The following LRRC20 variants were observed in gnomAD, a reference collection of about 807,000 sequenced individuals.
LRRC20 encodes the protein leucine rich repeat containing 20.
In LRRC20, 11 loss-of-function variants were observed where a neutral mutation model predicts 14.4. That is an observed-to-expected ratio of 0.77 (90% CI 0.48 to 1.27). LRRC20 has a LOEUF of 1.27. LRRC20 is among the 50% of genes most tolerant of loss of function. The probability of loss-of-function intolerance (pLI) is 0.00; values close to 1 mark genes in which losing one functional copy is unlikely to be tolerated. For missense variants in LRRC20, 219 were observed against 251.2 expected (o/e 0.87, Z 0.87); for synonymous variants, 121 against 107.3 (o/e 1.13, Z -0.79).
chr10:70,366,247 AC>A (rs1344045159), intron 2 of LRRC20, among the ~76,000 whole-genome samples: 4 of 151,640 alleles, frequency 2.6e-5, no homozygotes, highest in African/African-American at 9.7e-5. Flanking sequence ...ACATAGTGAA[AC>A]CCCGTCTCTA....
At chr10:70,307,990 CAG>C (rs1841488975) in intron 4 of LRRC20, among the ~76,000 whole-genome samples, 2 of 152,240 alleles carry the variant, frequency 1.3e-5, no homozygotes, top group African/African-American at 4.8e-5. Flanking sequence ...GATAAGCCCA[CAG>C]AGTTTGGCCA....
At chr10:70,325,422 G>A (rs942385652) in intron 3 of LRRC20, among the ~76,000 whole-genome samples, 47 of 152,210 alleles carry the variant, frequency 3.1e-4, no homozygotes, top group African/African-American at 9.2e-4. Flanking sequence ...CCTCCACCTC[G>A]GCAGGGAGGG....
intron 4 of LRRC20, among the ~76,000 whole-genome samples, chr10:70,307,996 T>C (rs1841489281): frequency 6.6e-6 from 1 of 152,168 alleles, no homozygotes; most frequent in Non-Finnish European, 1.5e-5. Flanking sequence ...CCCACAGAGT[T>C]TGGCCAGCAG....
chr10:70,382,210 C>T (rs1844731090), intron 1 of LRRC20, among the ~76,000 whole-genome samples: 2 of 152,216 alleles, frequency 1.3e-5, no homozygotes, highest in South Asian at 4.1e-4. Flanking sequence ...CAAGCAAGGG[C>T]GCCTCCCGCG....
intron 1 of LRRC20, among the ~76,000 whole-genome samples, chr10:70,377,735 C>T (rs1370712724): frequency 5.3e-5 from 8 of 152,208 alleles, no homozygotes; most frequent in African/African-American, 2.4e-5. Context: ...AAAGTTCCCA[C>T]GTGGTCAACT....
chr10:70,351,845 T>C (rs1049726529), intron 2 of LRRC20, among the ~76,000 whole-genome samples: 1 of 152,138 alleles, frequency 6.6e-6, no homozygotes, highest in African/African-American at 2.4e-5. Context: ...AACTTTACAG[T>C]TTCTGCAATA....
chr10:70,376,435 G>C lies in LRRC20; in HGVS notation c.82+17C>G. ...ACTGCTTCCAGGGAAGTTGGGAAAA[G>C]CCCTGCCCTCACTCACCCAGAGTGT... On this transcript the variant is annotated intron_variant, in intron 2 of 4. Transcript: ENST00000446961. 1 of 1,613,596 alleles carries C rather than the reference G, an allele frequency of 6.2e-7. No individual in the cohort carries two copies. The highest frequency in any genetic ancestry group is 8.5e-7 in the Non-Finnish European group (1 of 1,179,724).
intron 3 of LRRC20, among the ~76,000 whole-genome samples, chr10:70,327,700 A>G (rs1842381954): frequency 6.6e-6 from 1 of 152,136 alleles, no homozygotes; most frequent in Admixed American, 6.5e-5. Flanking sequence ...TTTTTCTCTA[A>G]CCCATTACCA....
chr10:70,313,071 C>T (rs115352031), intron 4 of LRRC20, among the ~76,000 whole-genome samples: 503 of 152,314 alleles, frequency 3.3e-3, no homozygotes, highest in African/African-American at 0.011. Context: ...GTCCCCTGCA[C>T]GCATATCTGA....
At chr10:70,314,556 C>T (rs1841787558) in intron 4 of LRRC20, among the ~76,000 whole-genome samples, 1 of 152,180 alleles carries the variant, frequency 6.6e-6, no homozygotes, top group Non-Finnish European at 1.5e-5. Context: ...ACATTGAGAG[C>T]TTTAAAAAAT....
intron 3 of LRRC20, among the ~76,000 whole-genome samples, chr10:70,335,396 G>A (rs1029079397): frequency 6.6e-6 from 1 of 152,144 alleles, no homozygotes; most frequent in African/African-American, 2.4e-5. Context: ...CCGCCCGCCC[G>A]CGCCCACACA....
At chr10:70,366,952 C>T (rs74498809) in intron 2 of LRRC20, among the ~76,000 whole-genome samples, 2,815 of 152,186 alleles carry the variant, frequency 0.018, 83 homozygotes, top group African/African-American at 0.064. Flanking sequence ...GTGGGGCTCC[C>T]GGAACCAATC....
At chr10:70,344,528 T>TTA (rs2137034532) in intron 2 of LRRC20, among the ~76,000 whole-genome samples, 2 of 151,426 alleles carry the variant, frequency 1.3e-5, no homozygotes, top group African/African-American at 4.8e-5. Flanking sequence ...CTGACCAATA[T>TTA]AAAAAAAAAG....
intron 4 of LRRC20, among the ~76,000 whole-genome samples, chr10:70,306,021 G>A (rs571415318): frequency 2.7e-4 from 41 of 152,224 alleles, no homozygotes; most frequent in African/African-American, 9.2e-4. Context: ...ATTCCAAGGC[G>A]TGAGCCACTG....
chr10:70,376,404 C>G (rs55985808), intron 2 of LRRC20, 48 bp downstream of exon 2: 6 of 1,579,268 alleles, frequency 3.8e-6, no homozygotes, highest in Non-Finnish European at 5.2e-6. Context: ...CTAAGCTGAT[C>G]TCACAACTGC....
rs534472429 is a variant in LRRC20, at chr10:70,365,529, C to G, written c.82+10923G>C. 3.7e-4 allele frequency among the ~76,000 whole-genome samples: 56 copies of G among 152,150 alleles called. No individual in the cohort carries two copies. The Middle Eastern group carries it at 0.01, about 28-fold the overall frequency. On this transcript the variant is annotated intron_variant, in intron 2 of 4. Transcript: ENST00000446961. Reference sequence around the variant, plus strand: ...GATAAAACGATAAATTAAATTTCATCAAAATTAAAAATGTGAGCCAGGCAG... The same window carrying G: ...GATAAAACGATAAATTAAATTTCATGAAAATTAAAAATGTGAGCCAGGCAG...
rs570289313 is a variant in LRRC20, at chr10:70,303,660, T to C, written c.401-2152A>G. ...TAAATATAAAGATAGTAGTGATCTA[T>C]AATTAATTCCAGGTCCAATATTCTC... is the stretch of plus-strand genomic sequence containing the variant. On this transcript the variant is annotated intron_variant, in intron 4 of 4. Coordinates refer to ENST00000446961, the MANE Select transcript of LRRC20 (RefSeq NM_001278212.2). 3.9e-5 allele frequency among the ~76,000 whole-genome samples: 6 copies of C among 152,228 alleles called. No individual in the cohort carries two copies. The East Asian group carries it at 5.8e-4, about 15-fold the overall frequency.
chr10:70,379,290 G>T (rs1272780299), intron 1 of LRRC20, among the ~76,000 whole-genome samples: 1 of 152,196 alleles, frequency 6.6e-6, no homozygotes, highest in Non-Finnish European at 1.5e-5. Context: ...TCACCATGCT[G>T]CCTCGAAGAC....
In LRRC20 at chr10:70,361,744, G is replaced by T. The variant is rs1043683679; in HGVS notation, c.82+14708C>A. On this transcript the variant is annotated intron_variant, in intron 2 of 4. Coordinates refer to ENST00000446961, the MANE Select transcript of LRRC20 (RefSeq NM_001278212.2). Reference sequence around the variant, plus strand: ...CCTCCCATCCCATCCTCTGCAGAACGGTACACAGACACAGGACACAGTAAA... The same window carrying T: ...CCTCCCATCCCATCCTCTGCAGAACTGTACACAGACACAGGACACAGTAAA... Among the ~76,000 whole-genome samples, 3 of 142,188 alleles carry T rather than the reference G, an allele frequency of 2.1e-5. No homozygotes were observed. In the South Asian group the frequency reaches 7.5e-4, roughly 36 times the overall value. 93.3% of individuals were successfully genotyped at this position (142,188 alleles called of 152,430 possible). A position where few individuals can be genotyped will look rare whatever the true frequency, so the allele number is the denominator to read the frequency against.
Sources: allele counts gnomAD v4.1 joint callset (sites outside exome capture counted in the v4.1 genomes callset), GRCh38; gene constraint gnomAD v4.1.1; transcripts MANE v1.5; gene names NCBI Gene and HGNC (gene_info 2026-07-23, HGNC 2026-07-21).